Variants in ZNF804A observed in about 807,000 individuals in gnomAD.
ZNF804A encodes the protein zinc finger protein 804A.
Under a neutral mutation model 16.5 loss-of-function variants are expected in ZNF804A, and 2 were observed. The observed-to-expected ratio is 0.12, with a 90% CI of 0.05 to 0.38. The LOEUF (loss-of-function observed/expected upper bound fraction) is 0.38. Among genes scored for constraint, ZNF804A ranks in the 10% least tolerant of loss-of-function variants. The probability of loss-of-function intolerance (pLI) is 0.99; values close to 1 mark genes in which losing one functional copy is unlikely to be tolerated. For synonymous variants in ZNF804A, 534 were observed against 489.6 expected, an observed-to-expected ratio of 1.09 and a Z score of -1.20; for missense variants, 1,473 against 1,390.7, an observed-to-expected ratio of 1.06 and a Z score of -0.94.
intron 1 of ZNF804A, among the ~76,000 whole-genome samples, chr2:184,720,358 C>T (rs1169330098): frequency 6.6e-6 from 1 of 151,990 alleles, no homozygotes; most frequent in Non-Finnish European, 1.5e-5. Flanking sequence ...TGTAGAAATA[C>T]CTAAAGACTT....
chr2:184,660,688 T>C (rs1411950865), intron 1 of ZNF804A, among the ~76,000 whole-genome samples: 1 of 152,212 alleles, frequency 6.6e-6, no homozygotes, highest in African/African-American at 2.4e-5. Flanking sequence ...TAGTCTACTA[T>C]GAAAAAACAC....
chr2:184,818,605 A>G (rs543885974), intron 1 of ZNF804A, among the ~76,000 whole-genome samples: 5 of 152,218 alleles, frequency 3.3e-5, no homozygotes, highest in Middle Eastern at 3.4e-3. Flanking sequence ...TAAAAGACAC[A>G]GAATGGCAAG....
intron 1 of ZNF804A, among the ~76,000 whole-genome samples, chr2:184,605,618 A>G (rs1230245852): frequency 6.6e-6 from 1 of 152,120 alleles, no homozygotes; most frequent in Non-Finnish European, 1.5e-5. Context: ...TAGTATTTAC[A>G]TTTTACTGGG....
chr2:184,690,599 A>G (rs1692711626), intron 1 of ZNF804A, among the ~76,000 whole-genome samples: 1 of 152,042 alleles, frequency 6.6e-6, no homozygotes, highest in Non-Finnish European at 1.5e-5. Context: ...TGAAATCAAG[A>G]GAGGGGAACA....
At chr2:184,841,535 A>T (rs1287234212) in intron 1 of ZNF804A, among the ~76,000 whole-genome samples, 4 of 152,118 alleles carry the variant, frequency 2.6e-5, no homozygotes, top group African/African-American at 7.2e-5. Flanking sequence ...AGCATTACTA[A>T]TCTACTCCTT....
intron 1 of ZNF804A, among the ~76,000 whole-genome samples, chr2:184,751,860 A>C (rs1332474336): frequency 6.6e-6 from 1 of 151,822 alleles, no homozygotes; most frequent in Non-Finnish European, 1.5e-5. Flanking sequence ...ACAAGCAGCC[A>C]ACAAACACCA....
intron 1 of ZNF804A, among the ~76,000 whole-genome samples, chr2:184,782,212 C>A (rs1229443981): frequency 6.6e-6 from 1 of 151,656 alleles, no homozygotes; most frequent in African/African-American, 2.4e-5. Context: ...AGCAGAGGTA[C>A]TTTACAATAG....
At chr2:184,754,370 G>T (rs951611317) in intron 1 of ZNF804A, among the ~76,000 whole-genome samples, 4 of 151,790 alleles carry the variant, frequency 2.6e-5, no homozygotes, top group African/African-American at 9.7e-5. Context: ...ATTATGATTA[G>T]AATATTTATA....
At chr2:184,624,194 C>G (rs1400978817) in intron 1 of ZNF804A, among the ~76,000 whole-genome samples, 1 of 151,974 alleles carries the variant, frequency 6.6e-6, no homozygotes, top group East Asian at 1.9e-4. Context: ...ATAAAAAATA[C>G]TATGAGAATG....
intron 2 of ZNF804A, among the ~76,000 whole-genome samples, chr2:184,882,730 C>A (rs1001810779): frequency 2.0e-4 from 31 of 151,912 alleles, no homozygotes; most frequent in Non-Finnish European, 7.4e-5. Flanking sequence ...CAAGAAATTA[C>A]TTGAAACTAA....
At chr2:184,802,644 CA>C (rs1694745166) in intron 1 of ZNF804A, among the ~76,000 whole-genome samples, 1 of 152,186 alleles carries the variant, frequency 6.6e-6, no homozygotes, top group Admixed American at 6.5e-5. Flanking sequence ...GTTTGCCCTA[CA>C]ACTTCAATTC....
chr2:184,858,340 T>C (rs1313106180), intron 1 of ZNF804A, among the ~76,000 whole-genome samples: 1 of 151,566 alleles, frequency 6.6e-6, no homozygotes, highest in African/African-American at 2.4e-5. Flanking sequence ...CCCGTCTCTA[T>C]TAAAAATATA....
In ZNF804A at chr2:184,705,106, A is replaced by G. The variant is rs534550321; in HGVS notation, c.111+106036A>G. Among the ~76,000 whole-genome samples the G allele has an allele frequency of 9.2e-5, 14 of 152,332 alleles. No homozygotes were observed. The South Asian group carries it at 2.5e-3, about 27-fold the overall frequency. The stretch of plus-strand genomic sequence containing the variant: ...GTTAATCAGAGCCTAAGCAGAGATG[A>G]GACTGGAAGAAGTGATGCCTGGATG... On this transcript the variant is annotated intron_variant, in intron 1 of 3. Coordinates refer to ENST00000302277, the MANE Select transcript of ZNF804A (RefSeq NM_194250.2).
intron 1 of ZNF804A, among the ~76,000 whole-genome samples, chr2:184,853,165 T>G (rs1448092888): frequency 6.6e-6 from 1 of 151,900 alleles, no homozygotes; most frequent in Non-Finnish European, 1.5e-5. Flanking sequence ...TTGGTTAAAT[T>G]TATGCCCATT....
At chr2:184,777,996 A>C (rs538474976) in intron 1 of ZNF804A, among the ~76,000 whole-genome samples, 2 of 151,832 alleles carry the variant, frequency 1.3e-5, no homozygotes, top group African/African-American at 4.8e-5. Context: ...AATTGAAATA[A>C]TGTTTTTAAA....
At chr2:184,721,791 A>G (rs898657669) in intron 1 of ZNF804A, among the ~76,000 whole-genome samples, 3 of 152,174 alleles carry the variant, frequency 2.0e-5, no homozygotes, top group East Asian at 1.9e-4. Flanking sequence ...CTTTATTCCC[A>G]TGTCTTTTCC....
intron 1 of ZNF804A, among the ~76,000 whole-genome samples, chr2:184,615,634 A>G (rs1191336661): frequency 2.6e-5 from 4 of 152,158 alleles, no homozygotes; most frequent in African/African-American, 7.2e-5. Context: ...ACAGAATCCT[A>G]TCTACAGGTG....
intron 1 of ZNF804A, among the ~76,000 whole-genome samples, chr2:184,799,690 C>T (rs1250196341): frequency 1.3e-5 from 2 of 151,998 alleles, no homozygotes; most frequent in Non-Finnish European, 2.9e-5. Context: ...TGCCTGGCTA[C>T]TATTTTTATT....
At position 184,938,890 on chromosome 2, in the gene ZNF804A, C is replaced by T. The variant is rs1310084862; in HGVS notation, c.3494C>T (p.Ala1165Val). The change falls in exon 4 of 4, where the codon GCT becomes GTT. Residue 1165 changes from alanine (A) to valine (V), a missense_variant. Ala to Val is a moderately conservative substitution (Grantham distance 64). Transcript: ENST00000302277. The part of the protein sequence containing the change: ...LCPGNQPTFV[A>V]PPQMPIIPAS... ...CCTGGGAACCAGCCAACTTTTGTTGCTCCTCCTCAGATGCCAATCATTCCA... is the reference window on the plus strand; with the variant it reads ...CCTGGGAACCAGCCAACTTTTGTTGTTCCTCCTCAGATGCCAATCATTCCA... 6.2e-7 allele frequency: 1 copy of T among 1,614,048 alleles called. No individual in the cohort carries two copies. The highest frequency in any genetic ancestry group is 8.5e-7 in the Non-Finnish European group (1 of 1,179,990).
Sources: allele counts gnomAD v4.1 joint callset (sites outside exome capture counted in the v4.1 genomes callset), GRCh38; gene constraint gnomAD v4.1.1; transcripts MANE v1.5; gene names NCBI Gene and HGNC (gene_info 2026-07-23, HGNC 2026-07-21).